The following MINAR1 variants were observed in gnomAD, a reference collection of about 807,000 sequenced individuals.
The protein encoded by MINAR1 is major intrinsically disordered Notch2-binding receptor 1.
A neutral mutation model predicts 65.1 loss-of-function variants in MINAR1; 40 were observed. That is an observed-to-expected ratio of 0.61 (90% CI 0.48 to 0.80). The LOEUF (loss-of-function observed/expected upper bound fraction) is 0.80. MINAR1 is among the 30% of genes least tolerant of loss of function. MINAR1 has a pLI of 0.00. For missense variants in MINAR1, 1,128 were observed against 1,148.0 expected, an observed-to-expected ratio of 0.98 and a Z score of 0.25; for synonymous variants, 482 against 449.1, an observed-to-expected ratio of 1.07 and a Z score of -0.93.
upstream of MINAR1, among the ~76,000 whole-genome samples, chr15:79,432,074 TTCCCGGCCCGCGCTGC>T (rs1168504899): frequency 4.6e-5 from 7 of 151,918 alleles, no homozygotes; most frequent in South Asian, 1.5e-3. Flanking sequence ...CCCAGCCGCG[TTCCCGGCCCGCGCTGC>T]TCCCAGCCTG....
At chr15:79,459,436 G>A (rs1567060115) in intron 2 of MINAR1, among the ~76,000 whole-genome samples, 1 of 152,172 alleles carries the variant, frequency 6.6e-6, no homozygotes, top group East Asian at 1.9e-4. Context: ...TATGGGACCT[G>A]TGGCCCATCC....
At chr15:79,431,478 T>G (rs1242698267), upstream of MINAR1, among the ~76,000 whole-genome samples, 3 of 141,362 alleles carry the variant, frequency 2.1e-5, no homozygotes, top group Non-Finnish European at 4.5e-5. Flanking sequence ...TCGTGGGGTT[T>G]GGGGGTGTGT....
In MINAR1 at chr15:79,470,636, G is replaced by A. The variant is rs1206324084; in HGVS notation, c.*2252G>A. On this transcript the variant is annotated 3_prime_UTR_variant, in exon 4 of 4. Coordinates refer to ENST00000305428, the MANE Select transcript of MINAR1 (RefSeq NM_015206.3). ...GACTATAAGTCACACCTCAGGCTTG[G>A]AAATGAAAGGATTCTATAGAATATT... The A allele has an allele frequency of 6.6e-6, 1 of 152,176 alleles. No homozygotes were observed. The highest frequency in any genetic ancestry group is 1.5e-5 in the Non-Finnish European group (1 of 68,052). The allele number at this position is 152,176 out of a possible 1,614,324, so 9.4% of individuals were successfully genotyped here.
chr15:79,455,922 G>A (rs753738573), intron 1 of MINAR1, among the ~76,000 whole-genome samples, 176 bp from the exon 2 acceptor site: 3 of 152,162 alleles, frequency 2.0e-5, no homozygotes, highest in Non-Finnish European at 4.4e-5. Context: ...AGATTCCCAG[G>A]AAGGGAATTA....
the MINAR1 span, chr15:79,426,442 G>A: frequency 1.3e-5 from 2 of 152,268 alleles, no homozygotes; most frequent in Non-Finnish European, 2.9e-5. Flanking sequence ...AGAGGCTCTT[G>A]AAATTTCACT....
intron 3 of MINAR1, among the ~76,000 whole-genome samples, chr15:79,464,356 T>A (rs1895763436): frequency 1.3e-5 from 2 of 152,230 alleles, no homozygotes; most frequent in South Asian, 4.1e-4. Flanking sequence ...TGGTCAATGA[T>A]GCTGAAATCA....
At chr15:79,424,329 C>T in the MINAR1 span, 1 of 152,152 alleles carries the variant, frequency 6.6e-6, no homozygotes, top group Non-Finnish European at 1.5e-5. Context: ...AGTTTCCTTT[C>T]GTTGAACTTT....
upstream of MINAR1, among the ~76,000 whole-genome samples, chr15:79,432,124 G>T (rs957300583): frequency 5.9e-5 from 9 of 152,054 alleles, no homozygotes; most frequent in African/African-American, 2.2e-4. Flanking sequence ...TGGCGACGCC[G>T]ACCGAGACAC....
Position 79,456,721 on chromosome 15 carries a change from C to G in MINAR1, c.574C>G (p.Leu192Val). 6.2e-7 allele frequency: 1 copy of G among 1,614,188 alleles called. No homozygotes were observed. Among genetic ancestry groups the G allele is most frequent in the Non-Finnish European group, 8.5e-7 (1 of 1,180,032 alleles). ...AGAGGTGAAAAACCGCGCCGCTTCC[C>G]TGGACAGGTTGCAGGCCCTGGCTCC... ...SKEVKNRAAS[L>V]DRLQALAPYS... The change falls in exon 2 of 4, where the codon CTG becomes GTG. Residue 192 changes from leucine (L) to valine (V), a missense_variant. Coordinates refer to ENST00000305428, the MANE Select transcript of MINAR1 (RefSeq NM_015206.3).
chr15:79,436,739 A>G (rs1428167200), intron 1 of MINAR1, among the ~76,000 whole-genome samples: 1 of 152,250 alleles, frequency 6.6e-6, no homozygotes, highest in Non-Finnish European at 1.5e-5. Context: ...AGCATGATTT[A>G]TCGAACACAA....
the MINAR1 span, chr15:79,422,144 A>C: frequency 1.3e-5 from 2 of 152,260 alleles, no homozygotes; most frequent in African/African-American, 4.8e-5. Flanking sequence ...ACCTCCAGTG[A>C]GGCCCCAGCC....
At chr15:79,428,268 T>TCTTCTTTCCTTCCTTC (rs1464855687), upstream of MINAR1, among the ~76,000 whole-genome samples, 7 of 107,570 alleles carry the variant, frequency 6.5e-5, no homozygotes, top group East Asian at 2.5e-3. Context: ...CTCCTTCCTT[T>TCTTCTTTCCTTCCTTC]CTTCTCCCTC....
the MINAR1 span, chr15:79,426,020 A>T: frequency 6.6e-6 from 1 of 152,192 alleles, no homozygotes; most frequent in African/African-American, 2.4e-5. Context: ...TCTCTCATGC[A>T]CCAGTCAGGA....
chr15:79,432,243 G>A (rs983065551), upstream of MINAR1, among the ~76,000 whole-genome samples: 2 of 152,116 alleles, frequency 1.3e-5, no homozygotes, highest in Non-Finnish European at 2.9e-5. Context: ...CCCCAGAGGA[G>A]TCCGAGCGCC....
intron 3 of MINAR1, among the ~76,000 whole-genome samples, chr15:79,464,713 G>A (rs1895775408): frequency 6.6e-6 from 1 of 152,188 alleles, no homozygotes; most frequent in South Asian, 2.1e-4. Flanking sequence ...CCCTGACAGT[G>A]AGGGTTGTGG....
rs1895969474 is a variant in MINAR1, at chr15:79,468,825, T to C, written c.*441T>C. ...GAAAAGAGGTGGCTTCTCTTTTCCA[T>C]AATGTTCTTAGACCATTGCTGGTGA... On this transcript the variant is annotated 3_prime_UTR_variant, in exon 4 of 4. Transcript: ENST00000305428. 1 of 197,612 alleles carries C rather than the reference T, an allele frequency of 5.1e-6. No homozygotes were observed. The highest frequency in any genetic ancestry group is 2.4e-5 in the African/African-American group (1 of 42,212). 12.2% of individuals were successfully genotyped at this position (197,612 alleles called of 1,614,324 possible).
At chr15:79,466,509 CATAAA>C (rs142717027) in intron 3 of MINAR1, among the ~76,000 whole-genome samples, 92 of 152,224 alleles carry the variant, frequency 6.0e-4, no homozygotes, top group African/African-American at 2.1e-3. Flanking sequence ...TTTCATATGT[CATAAA>C]ATATTCTTTT....
upstream of MINAR1, among the ~76,000 whole-genome samples, chr15:79,428,102 G>GTACA (rs1431531005): frequency 6.6e-6 from 1 of 152,130 alleles, no homozygotes; most frequent in Non-Finnish European, 1.5e-5. Flanking sequence ...TTGTTCACTG[G>GTACA]TACATTCAAG....
chr15:79,463,785 G>A lies in MINAR1; in HGVS notation c.2553+464G>A, dbSNP rs189873315. ...GGTAAGAGCCATCCCCGGAAGCTCT[G>A]TGAATGCAGTTGTGGCTGGAGGGCA... On this transcript the variant is annotated intron_variant, in intron 3 of 3. Coordinates refer to ENST00000305428, the MANE Select transcript of MINAR1 (RefSeq NM_015206.3). The A allele has an allele frequency of 2.0e-5, 9 of 456,542 alleles. No homozygotes were observed. In the East Asian group the frequency reaches 5.6e-4, roughly 28 times the overall value. 28.3% of individuals were successfully genotyped at this position (456,542 alleles called of 1,614,324 possible).
Sources: allele counts gnomAD v4.1 joint callset (sites outside exome capture counted in the v4.1 genomes callset), GRCh38; gene constraint gnomAD v4.1.1; transcripts MANE v1.5; gene names NCBI Gene and HGNC (gene_info 2026-07-23, HGNC 2026-07-21).